Variants in RBPJ observed in about 807,000 individuals in gnomAD.
RBPJ encodes the protein recombination signal binding protein for immunoglobulin kappa J region.
A neutral mutation model predicts 67.8 loss-of-function variants in RBPJ; 9 were observed. The ratio of observed to expected loss-of-function variants is 0.13; its 90% CI spans 0.08 to 0.23. RBPJ has a LOEUF of 0.23. Ranked by LOEUF, RBPJ falls within the 10% of genes least tolerant of loss-of-function variation. RBPJ has a pLI of 1.00. For missense variants in RBPJ, 305 were observed against 595.6 expected (o/e 0.51, Z 5.08); for synonymous variants, 198 against 203.3 (o/e 0.97, Z 0.22).
intron 1 of RBPJ, among the ~76,000 whole-genome samples, chr4:26,302,510 C>G (rs1722107750): frequency 6.6e-6 from 1 of 152,178 alleles, no homozygotes; most frequent in African/African-American, 2.4e-5. Flanking sequence ...GTAACATCAG[C>G]ATGCTTATTA....
intron 1 of RBPJ, among the ~76,000 whole-genome samples, chr4:26,205,018 G>A (rs1170780370): frequency 2.0e-5 from 3 of 152,168 alleles, no homozygotes; most frequent in African/African-American, 7.2e-5. Flanking sequence ...TCGGCGCCAG[G>A]GGCCACGTGG....
chr4:26,341,971 C>G lies in RBPJ; in HGVS notation c.20+20923C>G, dbSNP rs530329986. 2.0e-5 allele frequency among the ~76,000 whole-genome samples: 3 copies of G among 152,268 alleles called. No individual in the cohort carries two copies. In the South Asian group the frequency reaches 6.2e-4, roughly 32 times the overall value. On this transcript the variant is annotated intron_variant, in intron 1 of 10. Coordinates refer to ENST00000355476, the MANE Select transcript of RBPJ (RefSeq NM_015874.6). ...AGCCAAGAAGGGATGGGACATAGTG[C>G]AAAACTAGGCTGCCCAAAGCAGAGT...
At chr4:26,113,821 AG>A in the RBPJ span, 1 of 219,994 alleles carries the variant, frequency 4.5e-6, no homozygotes, top group Non-Finnish European at 1.0e-5. Flanking sequence ...CAAGGCCAAA[AG>A]GTCTTTCCAC....
intron 1 of RBPJ, among the ~76,000 whole-genome samples, chr4:26,331,292 G>A (rs1724224753): frequency 6.6e-6 from 1 of 152,070 alleles, no homozygotes; most frequent in Non-Finnish European, 1.5e-5. Flanking sequence ...TTTCCATGTT[G>A]CCCAGGCTGA....
At chr4:26,191,803 A>G (rs905528320) in intron 1 of RBPJ, among the ~76,000 whole-genome samples, 9 of 152,186 alleles carry the variant, frequency 5.9e-5, no homozygotes, top group African/African-American at 2.2e-4. Context: ...GCAGATACTC[A>G]GTATAAACCA....
intron 1 of RBPJ, among the ~76,000 whole-genome samples, chr4:26,351,749 A>G (rs1036349292): frequency 6.6e-6 from 1 of 152,188 alleles, no homozygotes; most frequent in African/African-American, 2.4e-5. Flanking sequence ...GCTATATATT[A>G]CTTGTTTTCT....
At chr4:26,374,247 C>T (rs1241717631) in intron 1 of RBPJ, among the ~76,000 whole-genome samples, 1 of 152,036 alleles carries the variant, frequency 6.6e-6, no homozygotes, top group Non-Finnish European at 1.5e-5. Context: ...GCCATGTTTA[C>T]AGCTTTAGAA....
chr4:26,209,258 C>A (rs1350401569), intron 1 of RBPJ, among the ~76,000 whole-genome samples: 1 of 152,030 alleles, frequency 6.6e-6, no homozygotes, highest in Non-Finnish European at 1.5e-5. Context: ...ACGGCAGTTT[C>A]TTCCAAAATA....
intron 1 of RBPJ, among the ~76,000 whole-genome samples, chr4:26,167,525 A>G (rs1469042249): frequency 8.9e-5 from 13 of 145,360 alleles, no homozygotes; most frequent in Non-Finnish European, 1.8e-4. Context: ...TTTGTCTGTT[A>G]TTGGTGTATA....
rs1736486485 is a variant in RBPJ, at chr4:26,434,304, T to C, written c.*3297T>C. ...ATTGTTTTTAATGAAACTGGTACCATCTGTGCTTTCACAAAAAACTTCCAA... is the reference window on the plus strand; with the variant it reads ...ATTGTTTTTAATGAAACTGGTACCACCTGTGCTTTCACAAAAAACTTCCAA... On this transcript the variant is annotated 3_prime_UTR_variant, in exon 11 of 11. Transcript: ENST00000355476. 2 of 152,238 alleles carry C rather than the reference T, an allele frequency of 1.3e-5. No individual in the cohort carries two copies. Among genetic ancestry groups the C allele is most frequent in the Admixed American group, 1.3e-4 (2 of 15,288 alleles). The allele number at this position is 152,238 out of a possible 1,614,324, so 9.4% of individuals were successfully genotyped here.
chr4:26,285,460 C>T (rs1577389053), intron 1 of RBPJ, among the ~76,000 whole-genome samples: 1 of 152,084 alleles, frequency 6.6e-6, no homozygotes, highest in East Asian at 1.9e-4. Flanking sequence ...TATCTACATC[C>T]GGTGCTGGTA....
chr4:26,144,757 C>T, the RBPJ span, among the ~76,000 whole-genome samples: 5 of 152,222 alleles, frequency 3.3e-5, no homozygotes, highest in Non-Finnish European at 7.3e-5. Flanking sequence ...TGCCTTTGAT[C>T]TAGTCCCACA....
chr4:26,207,664 C>A (rs115993751), intron 1 of RBPJ, among the ~76,000 whole-genome samples: 108 of 152,310 alleles, frequency 7.1e-4, no homozygotes, highest in Middle Eastern at 3.4e-3. Context: ...AACAGAGAAG[C>A]AATGCCTGCC....
chr4:26,206,959 A>T lies in RBPJ; in HGVS notation c.-167+43345A>T, dbSNP rs138659925. 1.8e-4 allele frequency among the ~76,000 whole-genome samples: 27 copies of T among 152,276 alleles called. No homozygotes were observed. The East Asian group carries it at 5.2e-3, about 29-fold the overall frequency. Reference sequence around the variant, plus strand: ...GAAAAATCATGAACTCCAGTTGCACAGGTAACTAAGGTCTGCTTTTCTGCT... The same window carrying T: ...GAAAAATCATGAACTCCAGTTGCACTGGTAACTAAGGTCTGCTTTTCTGCT... On this transcript the variant is annotated intron_variant, in intron 1 of 4. Coordinates refer to the RBPJ transcript ENST00000512351.
Position 26,285,675 on chromosome 4 carries a change from C to T in RBPJ, c.-166-76771C>T, listed in dbSNP as rs185983329. 6.8e-5 allele frequency among the ~76,000 whole-genome samples: 6 copies of T among 87,708 alleles called. No homozygotes were observed. In the East Asian group the frequency reaches 2.1e-3, roughly 31 times the overall value. The allele number at this position is 87,708 out of a possible 152,430, so 57.5% of individuals were successfully genotyped here. On this transcript the variant is annotated intron_variant, in intron 1 of 4. Coordinates refer to the RBPJ transcript ENST00000512351. ...TGTTACCTGCTTAATGATACTGATA[C>T]GTTAAAAAAAAAAAAAAAAAAAAAA...
At chr4:26,320,718 A>G, upstream of RBPJ, 1 of 1,546,694 alleles carries the variant, frequency 6.5e-7, no homozygotes, top group East Asian at 2.4e-5. Flanking sequence ...TACGTCCCTC[A>G]AAGCGCGTCC....
In RBPJ at chr4:26,247,473, C is replaced by T. The variant is rs187137787; in HGVS notation, c.-167+83859C>T. ...TTGCCCAGGCTGAAGTGCAATGTCA[C>T]GATCTTGGCTCACTACAACCTCCGC... On this transcript the variant is annotated intron_variant, in intron 1 of 4. Coordinates refer to the RBPJ transcript ENST00000512351. Among the ~76,000 whole-genome samples the T allele has an allele frequency of 8.3e-3, 1,256 of 152,190 alleles. 11 individuals carry two copies. The highest frequency in any genetic ancestry group is 0.029 in the African/African-American group (1,190 of 41,522).
chr4:26,372,998 G>A (rs576471561), intron 1 of RBPJ, among the ~76,000 whole-genome samples: 36 of 152,316 alleles, frequency 2.4e-4, no homozygotes, highest in African/African-American at 8.7e-4. Context: ...CAGAAAGCCA[G>A]TAAGCTTTGT....
chr4:26,327,343 G>C (rs915078583), intron 1 of RBPJ, among the ~76,000 whole-genome samples: 1 of 152,104 alleles, frequency 6.6e-6, no homozygotes, highest in South Asian at 2.1e-4. Flanking sequence ...ATGCATAATG[G>C]TAAGTTTGAG....
Sources: allele counts gnomAD v4.1 joint callset (sites outside exome capture counted in the v4.1 genomes callset), GRCh38; gene constraint gnomAD v4.1.1; transcripts MANE v1.5; gene names NCBI Gene and HGNC (gene_info 2026-07-23, HGNC 2026-07-21).